MACROD2: variants seen among roughly 807,000 people sequenced by gnomAD.
MACROD2 encodes the protein ADP-ribose glycohydrolase MACROD2.
Under a neutral mutation model 70.4 loss-of-function variants are expected in MACROD2, and 36 were observed. The observed-to-expected ratio is 0.51, with a 90% confidence interval of 0.39 to 0.68. MACROD2 has a LOEUF of 0.68. Ranked by LOEUF, MACROD2 falls within the 30% of genes least tolerant of loss-of-function variation. The probability of loss-of-function intolerance (pLI) is 0.00; values close to 1 mark genes in which losing one functional copy is unlikely to be tolerated. For synonymous variants in MACROD2, 172 were observed against 178.8 expected (o/e 0.96, Z 0.30); for missense variants, 496 against 538.4 (o/e 0.92, Z 0.78).
chr20:15,613,742 C>T (rs1440638758), intron 8 of MACROD2, among the ~76,000 whole-genome samples: 1 of 152,190 alleles, frequency 6.6e-6, no homozygotes, highest in East Asian at 1.9e-4. Context: ...GTGGTTCCAC[C>T]CACTCTAAGG....
intron 5 of MACROD2, among the ~76,000 whole-genome samples, chr20:14,874,951 T>C (rs1193793466): frequency 6.6e-6 from 1 of 151,764 alleles, no homozygotes; most frequent in Non-Finnish European, 1.5e-5. Context: ...ATGATCTGCC[T>C]GCCTTGGCCT....
chr20:14,822,801 C>T (rs147020479), intron 5 of MACROD2, among the ~76,000 whole-genome samples: 1 of 152,144 alleles, frequency 6.6e-6, no homozygotes, highest in African/African-American at 2.4e-5. Context: ...TGCATGTACC[C>T]ACACCATTGT....
At chr20:14,330,250 TGC>T (rs1198971792) in intron 3 of MACROD2, among the ~76,000 whole-genome samples, 3 of 152,220 alleles carry the variant, frequency 2.0e-5, no homozygotes, top group Non-Finnish European at 4.4e-5. Context: ...TTGACTGCTT[TGC>T]CCATTATCAA....
At chr20:14,484,742 C>T (rs2084702641) in intron 3 of MACROD2, among the ~76,000 whole-genome samples, 2 of 152,140 alleles carry the variant, frequency 1.3e-5, no homozygotes, top group African/African-American at 2.4e-5. Context: ...ATCTCCAGTT[C>T]CATCCTTGTT....
At chr20:15,126,738 C>T (rs1408042872) in intron 5 of MACROD2, among the ~76,000 whole-genome samples, 2 of 152,060 alleles carry the variant, frequency 1.3e-5, no homozygotes, top group Non-Finnish European at 2.9e-5. Context: ...GAATTGTGAA[C>T]TTACTCTCAA....
intron 8 of MACROD2, among the ~76,000 whole-genome samples, chr20:15,593,980 A>ACC (rs1366940556): frequency 6.6e-6 from 1 of 152,064 alleles, no homozygotes; most frequent in Non-Finnish European, 1.5e-5. Context: ...CAGTGGCCAA[A>ACC]CCATGCTTAT....
intron 5 of MACROD2, among the ~76,000 whole-genome samples, chr20:15,118,658 A>G (rs1358459581): frequency 4.6e-5 from 7 of 152,330 alleles, no homozygotes; most frequent in Middle Eastern, 6.8e-3. Context: ...ATAGGATACT[A>G]TTATGGTCTT....
At chr20:15,929,174 C>A (rs1830903504) in intron 10 of MACROD2, among the ~76,000 whole-genome samples, 1 of 152,162 alleles carries the variant, frequency 6.6e-6, no homozygotes, top group Admixed American at 6.5e-5. Context: ...GTTGCTTGGG[C>A]TTGGTTCCAG....
intron 4 of MACROD2, among the ~76,000 whole-genome samples, chr20:14,600,891 T>C (rs1982452721): frequency 6.6e-6 from 1 of 152,204 alleles, no homozygotes; most frequent in Non-Finnish European, 1.5e-5. Context: ...GGTAAATTGG[T>C]TGAGGGCTTG....
At chr20:15,579,787 G>T (rs1370466435) in intron 8 of MACROD2, among the ~76,000 whole-genome samples, 3 of 152,194 alleles carry the variant, frequency 2.0e-5, no homozygotes, top group Non-Finnish European at 2.9e-5. Flanking sequence ...GTCATAATCG[G>T]TATTTCCTAA....
intron 10 of MACROD2, among the ~76,000 whole-genome samples, chr20:15,909,734 G>A (rs1053945947): frequency 1.3e-5 from 2 of 151,430 alleles, no homozygotes; most frequent in Admixed American, 6.6e-5. Context: ...CGTTTTAGCC[G>A]GGATGGTCTC....
intron 5 of MACROD2, among the ~76,000 whole-genome samples, chr20:14,988,883 A>G (rs1313747530): frequency 1.3e-5 from 2 of 152,190 alleles, no homozygotes; most frequent in Non-Finnish European, 2.9e-5. Flanking sequence ...TTCTGCAGAC[A>G]TTTAAAATTA....
At chr20:14,730,372 G>A (rs2071580453) in intron 5 of MACROD2, among the ~76,000 whole-genome samples, 1 of 152,152 alleles carries the variant, frequency 6.6e-6, no homozygotes, top group Non-Finnish European at 1.5e-5. Flanking sequence ...GACTAAAATT[G>A]TAAAAGCAGC....
intron 8 of MACROD2, among the ~76,000 whole-genome samples, chr20:15,862,469 G>A (rs1443381895): frequency 2.6e-5 from 4 of 151,996 alleles, no homozygotes; most frequent in African/African-American, 4.8e-5. Context: ...CTGCAAAGTG[G>A]CTTATTGTCA....
intron 3 of MACROD2, among the ~76,000 whole-genome samples, chr20:14,246,138 G>C (rs1411148332): frequency 6.6e-6 from 1 of 152,298 alleles, no homozygotes; most frequent in East Asian, 1.9e-4. Flanking sequence ...TGGAAAGTAA[G>C]TTTTTGCTTC....
intron 5 of MACROD2, among the ~76,000 whole-genome samples, chr20:14,824,178 G>T (rs747899006): frequency 7.9e-5 from 12 of 152,176 alleles, no homozygotes; most frequent in Admixed American, 2.6e-4. Flanking sequence ...TTGACCAATT[G>T]TTTTTGTCAA....
chr20:15,869,071 T>C (rs1018090004), intron 9 of MACROD2, among the ~76,000 whole-genome samples: 1 of 151,764 alleles, frequency 6.6e-6, no homozygotes, highest in Admixed American at 6.6e-5. Context: ...GGATTATAGG[T>C]GTAAACCACT....
intron 5 of MACROD2, chr20:15,022,969 A>C (rs1408673647): frequency 6.6e-6 from 1 of 152,128 alleles, no homozygotes; most frequent in Non-Finnish European, 1.5e-5. Context: ...TTATATATAT[A>C]TATGCATATA....
intron 4 of MACROD2, among the ~76,000 whole-genome samples, chr20:14,684,092 G>T (rs957239774): frequency 3.9e-5 from 6 of 152,190 alleles, no homozygotes; most frequent in African/African-American, 1.4e-4. Context: ...TGAGACCTGA[G>T]GCTGGTCACG....
Sources: allele counts gnomAD v4.1 joint callset (sites outside exome capture counted in the v4.1 genomes callset), GRCh38; gene constraint gnomAD v4.1.1; transcripts MANE v1.5; gene names NCBI Gene and HGNC (gene_info 2026-07-23, HGNC 2026-07-21).